SLC14A2: variants seen among roughly 807,000 people sequenced by gnomAD.
SLC14A2 encodes the protein solute carrier family 14 member 2.
In SLC14A2, 91 loss-of-function variants were observed where a neutral mutation model predicts 104.6. The observed-to-expected ratio is 0.87, with a 90% CI of 0.73 to 1.04. The LOEUF (loss-of-function observed/expected upper bound fraction) is 1.04, where lower values mean the gene tolerates loss of function less well. SLC14A2 is among the 50% of genes least tolerant of loss of function. SLC14A2 has a pLI of 0.00. For synonymous variants in SLC14A2, 476 were observed against 466.4 expected (o/e 1.02, Z -0.27); for missense variants, 1,189 against 1,156.0 (o/e 1.03, Z -0.41).
At chr18:45,645,896 C>A (rs1354281766) in intron 10 of SLC14A2, among the ~76,000 whole-genome samples, 2 of 152,140 alleles carry the variant, frequency 1.3e-5, no homozygotes, top group African/African-American at 4.8e-5. Context: ...TGCTTACAAA[C>A]TGGTGGGCGG....
chr18:45,178,836 A>G, the SLC14A2 span, among the ~76,000 whole-genome samples: 2 of 152,216 alleles, frequency 1.3e-5, no homozygotes, highest in Non-Finnish European at 2.9e-5. Flanking sequence ...TAGCTCTAGT[A>G]CCTGTGTTCC....
intron 2 of SLC14A2, among the ~76,000 whole-genome samples, chr18:45,570,305 C>T (rs1303953191): frequency 1.3e-5 from 2 of 151,932 alleles, no homozygotes; most frequent in Non-Finnish European, 2.9e-5. Flanking sequence ...GACCCAGGCT[C>T]CAGACTCCCT....
intron 1 of SLC14A2, among the ~76,000 whole-genome samples, chr18:45,216,303 C>T (rs1347329518): frequency 6.6e-6 from 1 of 152,134 alleles, no homozygotes; most frequent in Non-Finnish European, 1.5e-5. Context: ...CCTCTGTGTC[C>T]CTTCCCAAGA....
At chr18:45,290,637 G>A (rs925868456) in intron 1 of SLC14A2, among the ~76,000 whole-genome samples, 1 of 152,212 alleles carries the variant, frequency 6.6e-6, no homozygotes, top group African/African-American at 2.4e-5. Flanking sequence ...CTGTAAGTGT[G>A]AAACACACAC....
chr18:45,427,610 C>T (rs893583774), intron 1 of SLC14A2, among the ~76,000 whole-genome samples: 1 of 152,084 alleles, frequency 6.6e-6, no homozygotes, highest in East Asian at 1.9e-4. Flanking sequence ...CAATGTGTGA[C>T]CAGGAAAGTC....
rs893057198 is a variant in SLC14A2 at position 45,505,266 on chromosome 18, G to C, written c.-35+21944G>C. 2.0e-5 allele frequency among the ~76,000 whole-genome samples: 3 copies of C among 152,166 alleles called. No individual in the cohort carries two copies. The East Asian group carries it at 5.8e-4, about 29-fold the overall frequency. ...CCACCAAGGGCAGACAGGGAGATGG[G>C]GCAGGGATTGTCCCTCTGTCCTCCT... is the stretch of plus-strand genomic sequence containing the variant. On this transcript the variant is annotated intron_variant, in intron 2 of 20. Coordinates refer to the SLC14A2 transcript ENST00000586448.
intron 1 of SLC14A2, among the ~76,000 whole-genome samples, chr18:45,480,006 G>A (rs2087462001): frequency 1.3e-5 from 2 of 152,146 alleles, no homozygotes; most frequent in African/African-American, 2.4e-5. Context: ...GGATTTGCAT[G>A]GTTCAGTAAG....
chr18:45,538,248 G>A (rs1402201240), intron 2 of SLC14A2, among the ~76,000 whole-genome samples: 6 of 152,180 alleles, frequency 3.9e-5, no homozygotes, highest in Non-Finnish European at 7.3e-5. Context: ...GAAGATGCAG[G>A]AGAGCCTTTG....
chr18:45,588,687 G>C (rs1248312150), intron 2 of SLC14A2, among the ~76,000 whole-genome samples: 15 of 152,162 alleles, frequency 9.9e-5, no homozygotes. Context: ...GCAGGCAGGG[G>C]GATTGATTTT....
At chr18:45,515,039 T>A (rs2043418948) in intron 2 of SLC14A2, among the ~76,000 whole-genome samples, 1 of 152,164 alleles carries the variant, frequency 6.6e-6, no homozygotes, top group Non-Finnish European at 1.5e-5. Flanking sequence ...TGACTTTTCC[T>A]AGAATAGGTG....
intron 1 of SLC14A2, among the ~76,000 whole-genome samples, chr18:45,221,642 C>T (rs2084063471): frequency 6.6e-6 from 1 of 152,108 alleles, no homozygotes; most frequent in Non-Finnish European, 1.5e-5. Flanking sequence ...CTCAATGTGT[C>T]ATTTGGGAGT....
chr18:45,301,437 C>T lies in SLC14A2; in HGVS notation c.-125+88246C>T, dbSNP rs2084967894. On this transcript the variant is annotated intron_variant, in intron 1 of 20. Coordinates refer to the SLC14A2 transcript ENST00000586448. ...AGCAGAAGTAGTCCGTGGAGTCCCA[C>T]CCACCCTAGCTAGAGGCTACCTCCA... Among the ~76,000 whole-genome samples, 4 of 152,324 alleles carry T rather than the reference C, an allele frequency of 2.6e-5. 1 individual carries two copies. In the South Asian group the frequency reaches 8.3e-4, roughly 32 times the overall value.
At chr18:45,385,270 C>G (rs932556954) in intron 1 of SLC14A2, among the ~76,000 whole-genome samples, 3 of 152,224 alleles carry the variant, frequency 2.0e-5, no homozygotes, top group Non-Finnish European at 4.4e-5. Context: ...ACCAAATTCC[C>G]TGCAGGTTGA....
intron 2 of SLC14A2, among the ~76,000 whole-genome samples, chr18:45,574,113 C>T (rs185055669): frequency 2.0e-5 from 3 of 152,154 alleles, no homozygotes; most frequent in East Asian, 3.9e-4. Context: ...GAGAGAAGAG[C>T]GAATGGTATT....
chr18:45,529,329 T>C (rs1345718786), intron 2 of SLC14A2: 1 of 152,312 alleles, frequency 6.6e-6, no homozygotes, highest in East Asian at 1.9e-4. Context: ...TGTCTGGCCA[T>C]ATACTGACTG....
chr18:45,192,291 T>C, the SLC14A2 span, among the ~76,000 whole-genome samples: 3 of 152,352 alleles, frequency 2.0e-5, no homozygotes, highest in African/African-American at 7.2e-5. Context: ...AAACCACCTA[T>C]ACTTAAAGAA....
At chr18:45,531,968 C>T (rs920094498) in intron 2 of SLC14A2, among the ~76,000 whole-genome samples, 1 of 152,136 alleles carries the variant, frequency 6.6e-6, no homozygotes, top group Admixed American at 6.5e-5. Context: ...ATCCTTTCCC[C>T]ATTTCTTCTT....
intron 1 of SLC14A2, chr18:45,482,747 T>C (rs912188362): frequency 1.3e-5 from 2 of 152,146 alleles, no homozygotes; most frequent in Non-Finnish European, 2.9e-5. Context: ...TGATATTCAA[T>C]TGGTTGGATG....
chr18:45,251,827 A>G (rs994481715), intron 1 of SLC14A2, among the ~76,000 whole-genome samples: 3 of 152,228 alleles, frequency 2.0e-5, no homozygotes, highest in Non-Finnish European at 4.4e-5. Context: ...TAAGGCTTCA[A>G]CATATGAATT....
Sources: gnomAD v4.1 joint callset for allele counts (sites outside exome capture counted in the v4.1 genomes callset) on GRCh38, gnomAD v4.1.1 for gene constraint, MANE v1.5 for transcripts, NCBI Gene and HGNC (gene_info 2026-07-23, HGNC 2026-07-21) for gene names.